GOLIM4: variants seen among roughly 807,000 people sequenced by gnomAD.
The protein encoded by GOLIM4 is golgi integral membrane protein 4.
Under a neutral mutation model 107.4 loss-of-function variants are expected in GOLIM4, and 71 were observed. The ratio of observed to expected loss-of-function variants is 0.66; its 90% CI spans 0.55 to 0.81. The LOEUF is 0.81. Ranked by LOEUF, GOLIM4 falls within the 30% of genes least tolerant of loss-of-function variation. The probability of loss-of-function intolerance (pLI) is 0.00; values close to 1 mark genes in which losing one functional copy is unlikely to be tolerated. For synonymous variants in GOLIM4, 327 were observed against 294.8 expected (o/e 1.11, Z -1.12); for missense variants, 830 against 826.1 (o/e 1.00, Z -0.06).
At chr3:168,028,978 A>G (rs887650118) in intron 11 of GOLIM4, among the ~76,000 whole-genome samples, 2 of 152,210 alleles carry the variant, frequency 1.3e-5, no homozygotes, top group Non-Finnish European at 2.9e-5. Flanking sequence ...AATATTATAA[A>G]TATTTAGTAT....
intron 14 of GOLIM4, among the ~76,000 whole-genome samples, chr3:168,016,965 T>C (rs1437643618): frequency 1.3e-5 from 2 of 148,242 alleles, no homozygotes; most frequent in South Asian, 2.1e-4. Context: ...GTGGGTGCAG[T>C]GCACCAGCAT....
intron 3 of GOLIM4, among the ~76,000 whole-genome samples, chr3:168,045,855 C>T (rs1481833608): frequency 6.6e-6 from 1 of 152,128 alleles, no homozygotes; most frequent in Non-Finnish European, 1.5e-5. Context: ...AGCTGATGGC[C>T]TCCTGGGCTA....
At position 168,029,213 on chromosome 3, in the gene GOLIM4, G is replaced by A. The variant is rs780605999; in HGVS notation, c.1513+10C>T. On this transcript the variant is annotated intron_variant, in intron 11 of 15. Transcript: ENST00000470487. ...TATTAAAACATTCATCATCTAGGAA[G>A]TCTCACCACCTCCTTCCTCTCCTTG... 1 of 1,535,894 alleles carries A rather than the reference G, an allele frequency of 6.5e-7. No individual in the cohort carries two copies. Among genetic ancestry groups the A allele is most frequent in the Non-Finnish European group, 9.0e-7 (1 of 1,110,452 alleles).
chr3:168,023,082 G>C (rs1436009760), intron 14 of GOLIM4, among the ~76,000 whole-genome samples: 1 of 152,056 alleles, frequency 6.6e-6, no homozygotes. Context: ...AATTGAAAAG[G>C]AATCAGTAAA....
intron 7 of GOLIM4, among the ~76,000 whole-genome samples, chr3:168,040,112 A>T (rs978224487): frequency 2.0e-5 from 3 of 152,230 alleles, no homozygotes; most frequent in African/African-American, 7.2e-5. Flanking sequence ...TAAACTAGCC[A>T]TTCCTGTTTC....
In GOLIM4 at chr3:168,008,784, C is replaced by T. The variant is rs1716818277; in HGVS notation, c.*1485G>A. ...GACATTAAAAATACAAGCTAATTTA[C>T]CAAAATAATTGTATTCTGAATATTA... On this transcript the variant is annotated 3_prime_UTR_variant, in exon 16 of 16. Transcript: ENST00000470487. The T allele has an allele frequency of 6.6e-6, 1 of 151,368 alleles. No homozygotes were observed. The highest frequency in any genetic ancestry group is 1.5e-5 in the Non-Finnish European group (1 of 67,860). The allele number at this position is 151,368 out of a possible 1,614,324, so 9.4% of individuals were successfully genotyped here.
In GOLIM4 at chr3:168,052,423, TAC is replaced by T. The variant is rs142452404; in HGVS notation, c.188-4060_188-4059del. The stretch of plus-strand genomic sequence containing the variant: ...ACTCTCTCTCACACACACAGATGTA[TAC>T]ACACACATATATCTGACTTAAAAAG... On this transcript the variant is annotated intron_variant, in intron 1 of 15. Transcript: ENST00000470487. 1.7e-3 allele frequency among the ~76,000 whole-genome samples: 261 copies of T among 152,198 alleles called. 8 individuals carry two copies. The East Asian group carries it at 0.049, about 29-fold the overall frequency.
intron 14 of GOLIM4, among the ~76,000 whole-genome samples, chr3:168,011,891 T>C (rs1717059455): frequency 7.1e-6 from 1 of 140,958 alleles, no homozygotes; most frequent in Non-Finnish European, 1.5e-5. Flanking sequence ...AAAACCCATC[T>C]GTACATCACC....
intron 9 of GOLIM4, among the ~76,000 whole-genome samples, 199 bp downstream of exon 9, chr3:168,032,321 C>T (rs1258736247): frequency 1.3e-5 from 2 of 152,204 alleles, no homozygotes; most frequent in Non-Finnish European, 2.9e-5. Flanking sequence ...TGTGCTCTCT[C>T]ATCACCAATC....
chr3:168,089,152 A>G (rs1170864114), intron 1 of GOLIM4, among the ~76,000 whole-genome samples: 2 of 152,270 alleles, frequency 1.3e-5, no homozygotes, highest in Non-Finnish European at 2.9e-5. Flanking sequence ...GAAGGAATTT[A>G]CACACAAATA....
chr3:168,085,125 T>C (rs1189194182), intron 1 of GOLIM4, among the ~76,000 whole-genome samples: 2 of 152,336 alleles, frequency 1.3e-5, no homozygotes, highest in Admixed American at 1.3e-4. Context: ...CAGGACTTGA[T>C]AGTTACGAAA....
intron 9 of GOLIM4, among the ~76,000 whole-genome samples, chr3:168,031,521 T>A (rs200245962): frequency 2.6e-5 from 4 of 152,178 alleles, no homozygotes; most frequent in Non-Finnish European, 5.9e-5. Flanking sequence ...CTACCCATCC[T>A]CCCTGCCATA....
intron 2 of GOLIM4, among the ~76,000 whole-genome samples, chr3:168,047,622 C>T (rs968693326): frequency 2.6e-5 from 4 of 152,016 alleles, no homozygotes; most frequent in Non-Finnish European, 4.4e-5. Context: ...AGACAGAACA[C>T]GTAATTTAAA....
intron 12 of GOLIM4, among the ~76,000 whole-genome samples, chr3:168,026,866 G>A (rs893691405): frequency 2.6e-5 from 4 of 152,224 alleles, no homozygotes; most frequent in Non-Finnish European, 5.9e-5. Context: ...GCTTTAAGTA[G>A]CTAGCAGGAT....
intron 1 of GOLIM4, among the ~76,000 whole-genome samples, chr3:168,070,777 G>T (rs1244382760): frequency 6.6e-6 from 1 of 152,176 alleles, no homozygotes; most frequent in African/African-American, 2.4e-5. Context: ...TTTTTAGCTT[G>T]AAAGGGAAAG....
In GOLIM4 at chr3:168,012,520, A is replaced by G. The variant is rs1180191957; in HGVS notation, c.1861-1697T>C. On this transcript the variant is annotated intron_variant, in intron 14 of 15. Coordinates refer to ENST00000470487, the MANE Select transcript of GOLIM4 (RefSeq NM_014498.5). ...TCTAGCAAGGCAGGCCAACGTTCAG[A>G]TTCAGGAAATACAGAGAACGCCACA... Among the ~76,000 whole-genome samples the G allele has an allele frequency of 7.1e-3, 983 of 139,200 alleles. 10 individuals are homozygous for G. Among genetic ancestry groups the G allele is most frequent in the African/African-American group, 0.031 (925 of 29,854 alleles). 91.3% of individuals were successfully genotyped at this position (139,200 alleles called of 152,430 possible). A position where few individuals can be genotyped will look rare whatever the true frequency, so the allele number is the denominator to read the frequency against.
At chr3:168,051,305 C>T (rs1485200112) in intron 1 of GOLIM4, among the ~76,000 whole-genome samples, 1 of 152,064 alleles carries the variant, frequency 6.6e-6, no homozygotes, top group Non-Finnish European at 1.5e-5. Flanking sequence ...TGACAGCTGG[C>T]CCAAAGTACC....
chr3:168,048,471 A>G, intron 1 of GOLIM4, 106 bp from the exon 2 acceptor site: 1 of 616,450 alleles, frequency 1.6e-6, no homozygotes, highest in Non-Finnish European at 2.9e-6. Flanking sequence ...TCTTTACACA[A>G]TTTAAATAAA....
chr3:168,039,667 T>C (rs760263716), intron 7 of GOLIM4, among the ~76,000 whole-genome samples: 2 of 152,214 alleles, frequency 1.3e-5, no homozygotes, highest in Non-Finnish European at 2.9e-5. Context: ...TATCTTTCTA[T>C]GGATTTTCAA....
Sources: allele counts gnomAD v4.1 joint callset (sites outside exome capture counted in the v4.1 genomes callset), GRCh38; gene constraint gnomAD v4.1.1; transcripts MANE v1.5; gene names NCBI Gene and HGNC (gene_info 2026-07-23, HGNC 2026-07-21).